The following MRPS11 variants were observed in gnomAD, a reference collection of about 807,000 sequenced individuals.
MRPS11 encodes small ribosomal subunit protein uS11m.
In MRPS11, 27 loss-of-function variants were observed where a neutral mutation model predicts 24.3. The observed-to-expected ratio is 1.11, with a 90% CI of 0.82 to 1.53. MRPS11 has a LOEUF of 1.53. Ranked by LOEUF, MRPS11 falls within the 40% of genes most tolerant of loss-of-function variation. The pLI is 0.00. For missense variants in MRPS11, 277 were observed against 256.5 expected, an observed-to-expected ratio of 1.08 and a Z score of -0.55; for synonymous variants, 104 against 98.7, an observed-to-expected ratio of 1.05 and a Z score of -0.32.
At chr15:88,474,964 T>C in intron 3 of MRPS11, 146 bp from the exon 4 acceptor site, 7 of 929,304 alleles carry the variant, frequency 7.5e-6, no homozygotes, top group Non-Finnish European at 7.8e-6. Context: ...CTGTAGGAGT[T>C]CAAAACATGT....
In MRPS11 at chr15:88,473,465, A is replaced by G. The variant is rs1485304403; in HGVS notation, c.281+740A>G. ...GGCTAAAGTGTGTGGCACAGATGAAATGCTATAGGATTCATTTCAGCATTT... is the reference window on the plus strand; with the variant it reads ...GGCTAAAGTGTGTGGCACAGATGAAGTGCTATAGGATTCATTTCAGCATTT... On this transcript the variant is annotated intron_variant, in intron 3 of 5. Coordinates refer to ENST00000325844, the MANE Select transcript of MRPS11 (RefSeq NM_022839.5). Among the ~76,000 whole-genome samples the G allele has an allele frequency of 3.9e-5, 6 of 152,252 alleles. No homozygotes were observed. In the East Asian group the frequency reaches 1.2e-3, roughly 29 times the overall value.
chr15:88,479,516 C>T lies in MRPS11; in HGVS notation c.*1537C>T, dbSNP rs1232986954. The T allele has an allele frequency of 2.0e-5, 3 of 152,204 alleles. No homozygotes were observed. The highest frequency in any genetic ancestry group is 7.2e-5 in the African/African-American group (3 of 41,452). 9.4% of individuals were successfully genotyped at this position (152,204 alleles called of 1,614,324 possible). A position where few individuals can be genotyped will look rare whatever the true frequency, so the allele number is the denominator to read the frequency against. On this transcript the variant is annotated 3_prime_UTR_variant, in exon 6 of 6. Transcript: ENST00000325844. ...GTTAGGACAAAGAAAGGAGGAAGAT[C>T]ACGAACCAAGACATGAATTTAGAGG...
At chr15:88,473,091 A>AG (rs1231698098) in intron 3 of MRPS11, among the ~76,000 whole-genome samples, 1 of 152,234 alleles carries the variant, frequency 6.6e-6, no homozygotes, top group Non-Finnish European at 1.5e-5. Context: ...AAATTAAAAG[A>AG]TATGATTCAA....
chr15:88,470,057 C>T (rs1381898729), intron 2 of MRPS11, among the ~76,000 whole-genome samples: 1 of 152,154 alleles, frequency 6.6e-6, no homozygotes, highest in Non-Finnish European at 1.5e-5. Context: ...TGGCTCACAC[C>T]TGTAATCCCA....
At position 88,477,082 on chromosome 15, in the gene MRPS11, C is replaced by T. The variant is rs757907859; in HGVS notation, c.477+28C>T. On this transcript the variant is annotated intron_variant, in intron 5 of 5. Coordinates refer to ENST00000325844, the MANE Select transcript of MRPS11 (RefSeq NM_022839.5). The surrounding 1 kb of genome is among the most constrained non-coding windows in gnomAD (Gnocchi z 5.7). ...AAGTTACAGTGATTTCCATAGTGTACTTGCCTCCTAGTAAGTGTGAGAATT... is the reference window on the plus strand; with the variant it reads ...AAGTTACAGTGATTTCCATAGTGTATTTGCCTCCTAGTAAGTGTGAGAATT... 7 of 1,608,900 alleles carry T rather than the reference C, an allele frequency of 4.4e-6. No individual in the cohort carries two copies. The highest frequency in any genetic ancestry group is 4.5e-5 in the East Asian group (2 of 44,850).
chr15:88,476,730 T>C (rs568818374), intron 4 of MRPS11: 21 of 390,968 alleles, frequency 5.4e-5, no homozygotes, highest in African/African-American at 3.3e-4. Flanking sequence ...ACCTGAGCAA[T>C]ATTTAGAAAT....
At chr15:88,473,607 G>T (rs1374995492) in intron 3 of MRPS11, among the ~76,000 whole-genome samples, 1 of 152,180 alleles carries the variant, frequency 6.6e-6, no homozygotes, top group Admixed American at 6.5e-5. Context: ...CACTGTTTAG[G>T]CTGTCACAGA....
Position 88,472,723 on chromosome 15 carries a change from C to A in MRPS11, c.279C>A (p.Asn93Lys). Residue 93 changes from asparagine (N) to lysine (K), a missense_variant and splice_region_variant, in exon 3 of 6, where the codon AAC becomes AAA. Coordinates refer to ENST00000325844, the MANE Select transcript of MRPS11 (RefSeq NM_022839.5). ...TTGCACACATTAAAGCATCCCACAA[C>A]AAGTAAGTGGGAAGGGAAACACTGG... Reference protein sequence around the residue: ...IPIAHIKASHNNTQIQVVSAS... With the variant: ...IPIAHIKASHKNTQIQVVSAS... The A allele has an allele frequency of 6.2e-7, 1 of 1,609,486 alleles. No homozygotes were observed. Among genetic ancestry groups the A allele is most frequent in the Non-Finnish European group, 8.5e-7 (1 of 1,176,042 alleles).
rs552282931 is a variant in MRPS11 at position 88,472,511 on chromosome 15, A to G, written c.183-116A>G. ...AGGACTGAAAAGGAATGGTGGGGGCAGCCACTTAAGAAGCAGCAGGGGGCA... is the reference window on the plus strand; with the variant it reads ...AGGACTGAAAAGGAATGGTGGGGGCGGCCACTTAAGAAGCAGCAGGGGGCA... On this transcript the variant is annotated intron_variant, in intron 2 of 5. Transcript: ENST00000325844. The G allele has an allele frequency of 7.9e-6, 6 of 756,912 alleles. No individual in the cohort carries two copies. The African/African-American group carries it at 8.8e-5, about 11-fold the overall frequency. 46.9% of individuals were successfully genotyped at this position (756,912 alleles called of 1,614,324 possible).
At chr15:88,473,502 G>A (rs1348504890) in intron 3 of MRPS11, among the ~76,000 whole-genome samples, 5 of 152,230 alleles carry the variant, frequency 3.3e-5, no homozygotes, top group Admixed American at 2.6e-4. Context: ...TCAGATAAAT[G>A]TAAAGTGACA....
chr15:88,468,377 G>T (rs540163125), intron 2 of MRPS11: 1 of 1,118,160 alleles, frequency 8.9e-7, no homozygotes, highest in South Asian at 2.3e-5. Context: ...GGTAGAGGGC[G>T]CTAGCGATGG....
intron 4 of MRPS11, chr15:88,476,750 G>T (rs117548718): frequency 2.3e-6 from 1 of 429,606 alleles, no homozygotes; most frequent in Admixed American, 4.0e-5. Context: ...TTTCCATTAG[G>T]TGGCGGTGCT....
rs12101960 is a variant in MRPS11 at position 88,468,480 on chromosome 15, C to T, written c.182+456C>T. 15,093 of 1,017,046 alleles carry T rather than the reference C, an allele frequency of 0.015. 1,689 individuals are homozygous for T. In the African/African-American group the frequency reaches 0.23, roughly 16 times the overall value. The allele number at this position is 1,017,046 out of a possible 1,614,324, so 63.0% of individuals were successfully genotyped here. On this transcript the variant is annotated intron_variant, in intron 2 of 5. Transcript: ENST00000325844. ...ATCTTGCTTCCCACCAGTGCCACCACCTCTGTATGCTGTATACACATCCAC... is the reference window on the plus strand; with the variant it reads ...ATCTTGCTTCCCACCAGTGCCACCATCTCTGTATGCTGTATACACATCCAC...
chr15:88,472,504 TGGGGGCAGCCACTTAAGAAGCAGCA>T, intron 2 of MRPS11, 98 bp from the exon 3 acceptor site: 1 of 713,072 alleles, frequency 1.4e-6, no homozygotes, highest in Non-Finnish European at 2.4e-6. Context: ...AAAGGAATGG[TGGGGGCAGCCACTTAAGAAGCAGCA>T]GGGGGCACAG....
rs1024369709 is a variant in MRPS11 at position 88,470,579 on chromosome 15, T to A, written c.183-2048T>A. On this transcript the variant is annotated intron_variant, in intron 2 of 5. Transcript: ENST00000325844. ...TAGGAAAACCAGGAGAGAACATTTG[T>A]TTTTTAATTTGGCTCAAGGTGGGGA... Among the ~76,000 whole-genome samples the A allele has an allele frequency of 2.0e-5, 3 of 152,162 alleles. No individual in the cohort carries two copies. In the East Asian group the frequency reaches 5.8e-4, roughly 29 times the overall value.
intron 3 of MRPS11, among the ~76,000 whole-genome samples, chr15:88,473,779 C>G (rs547328761): frequency 1.3e-5 from 2 of 152,312 alleles, no homozygotes; most frequent in East Asian, 3.9e-4. Context: ...TGTGAGCTCT[C>G]AGAGCTCTCC....
Position 88,469,662 on chromosome 15 carries a change from T to A in MRPS11, c.182+1638T>A, listed in dbSNP as rs1328337128. Among the ~76,000 whole-genome samples, 7 of 152,238 alleles carry A rather than the reference T, an allele frequency of 4.6e-5. No individual in the cohort carries two copies. The highest frequency in any genetic ancestry group is 4.6e-4 in the Admixed American group (7 of 15,290). ...GACAAGATCTTGTAAGCTCTTTGGC[T>A]GCTGTGTTGATATTAAACCATTGGA... On this transcript the variant is annotated intron_variant, in intron 2 of 5. Transcript: ENST00000325844. The surrounding 1 kb of genome is among the most constrained non-coding windows in gnomAD (Gnocchi z 4.4).
In MRPS11 at chr15:88,468,475, C is replaced by T. The variant is rs1031982933; in HGVS notation, c.182+451C>T. ...CTGGCATCTTGCTTCCCACCAGTGC[C>T]ACCACCTCTGTATGCTGTATACACA... On this transcript the variant is annotated intron_variant, in intron 2 of 5. Coordinates refer to ENST00000325844, the MANE Select transcript of MRPS11 (RefSeq NM_022839.5). 29 of 1,018,518 alleles carry T rather than the reference C, an allele frequency of 2.8e-5. No homozygotes were observed. The African/African-American group carries it at 4.9e-4, about 17-fold the overall frequency. 63.1% of individuals were successfully genotyped at this position (1,018,518 alleles called of 1,614,324 possible).
intron 2 of MRPS11, chr15:88,468,641 A>G (rs2055609448): frequency 5.3e-6 from 2 of 374,174 alleles, no homozygotes; most frequent in Non-Finnish European, 7.4e-6. Flanking sequence ...GAAGACAAAC[A>G]TGCAAACATT....
Sources: gnomAD v4.1 joint callset for allele counts (sites outside exome capture counted in the v4.1 genomes callset) on GRCh38, gnomAD v4.1.1 for gene constraint, Gnocchi (gnomAD v3.1) non-coding constraint, MANE v1.5 for transcripts, NCBI Gene and HGNC (gene_info 2026-07-23, HGNC 2026-07-21) for gene names.